The following AAMDC variants were observed in gnomAD, a reference collection of about 807,000 sequenced individuals.
The protein encoded by AAMDC is adipogenesis associated Mth938 domain containing.
A neutral mutation model predicts 15.5 loss-of-function variants in AAMDC; 16 were observed. That is an observed-to-expected ratio of 1.03 (90% CI 0.70 to 1.57). The LOEUF (loss-of-function observed/expected upper bound fraction) is 1.57. Among genes scored for constraint, AAMDC ranks in the 40% most tolerant of loss-of-function variants. The pLI, the probability that AAMDC is intolerant of heterozygous loss-of-function variation, is 0.00. For synonymous variants in AAMDC, 51 were observed against 51.6 expected (o/e 0.99, Z 0.05); for missense variants, 141 against 144.9 (o/e 0.97, Z 0.14).
At chr11:77,873,537 A>C (rs1951514462), downstream of AAMDC, among the ~76,000 whole-genome samples, 1 of 152,158 alleles carries the variant, frequency 6.6e-6, no homozygotes, top group Admixed American at 6.5e-5. Context: ...CCTATTACTA[A>C]TTTTCTTATG....
chr11:77,842,411 C>A, intron 1 of AAMDC, 68 bp from the exon 2 acceptor site: 1 of 1,414,166 alleles, frequency 7.1e-7, no homozygotes, highest in South Asian at 1.3e-5. Context: ...GGCTTAGTAT[C>A]ACTGTATTTT....
At chr11:77,861,734 C>T (rs1950886725) in intron 2 of AAMDC, among the ~76,000 whole-genome samples, 1 of 152,204 alleles carries the variant, frequency 6.6e-6, no homozygotes, top group Non-Finnish European at 1.5e-5. Context: ...CCTAGCCTTT[C>T]CGTGTTCCAG....
chr11:77,879,029 C>T (rs141434365), intron 5 of AAMDC: 2 of 1,614,146 alleles, frequency 1.2e-6, no homozygotes, highest in East Asian at 2.2e-5. Context: ...CTGGTTTCCA[C>T]CTGTGGTGAC....
intron 1 of AAMDC, among the ~76,000 whole-genome samples, chr11:77,824,060 G>A (rs1196871090): frequency 7.9e-5 from 12 of 152,202 alleles, no homozygotes; most frequent in Admixed American, 6.5e-4. Context: ...GCATCAGAAA[G>A]TTATATCCAC....
chr11:77,857,567 T>C (rs1028405953), intron 2 of AAMDC, among the ~76,000 whole-genome samples: 1 of 152,142 alleles, frequency 6.6e-6, no homozygotes, highest in Non-Finnish European at 1.5e-5. Context: ...CTCTGATTAT[T>C]TTGTTTTATT....
At position 77,891,791 on chromosome 11, in the gene AAMDC, G is replaced by C. The variant is rs767731234; in HGVS notation, c.329-8780G>C. ...ATGAGTCGGGGCATAAGGTCAAGGA[G>C]TTTGTCCACAAAGCTGTCCTGCAAG... is the stretch of plus-strand genomic sequence containing the variant. On this transcript the variant is annotated intron_variant, in intron 5 of 5. Transcript: ENST00000304716. 1.2e-6 allele frequency: 2 copies of C among 1,612,002 alleles called. No homozygotes were observed. Among genetic ancestry groups the C allele is most frequent in the Admixed American group, 3.3e-5 (2 of 60,016 alleles).
chr11:77,860,482 G>T (rs954920456), intron 2 of AAMDC, among the ~76,000 whole-genome samples: 12 of 152,230 alleles, frequency 7.9e-5, no homozygotes, highest in Non-Finnish European at 1.6e-4. Context: ...CTGAGCGTTT[G>T]GTTTGGAAAC....
chr11:77,876,402 CTTT>C (rs71272225), downstream of AAMDC, among the ~76,000 whole-genome samples: 1 of 144,994 alleles, frequency 6.9e-6, no homozygotes, highest in Non-Finnish European at 1.5e-5. Context: ...ATAAAAAGGT[CTTT>C]TTTTTTTTTT....
chr11:77,886,024 G>A (rs1951991552), intron 5 of AAMDC, among the ~76,000 whole-genome samples: 1 of 151,700 alleles, frequency 6.6e-6, no homozygotes, highest in African/African-American at 2.4e-5. Flanking sequence ...AAAAAAGTAA[G>A]ACCCCCCAAT....
chr11:77,865,041 C>T (rs1354053759), intron 2 of AAMDC, among the ~76,000 whole-genome samples: 1 of 152,090 alleles, frequency 6.6e-6, no homozygotes, highest in East Asian at 1.9e-4. Flanking sequence ...TTCTCTGGAC[C>T]CATATAGTTG....
At chr11:77,868,515 C>A (rs1461435291) in intron 2 of AAMDC, among the ~76,000 whole-genome samples, 1 of 151,732 alleles carries the variant, frequency 6.6e-6, no homozygotes, top group Non-Finnish European at 1.5e-5. Flanking sequence ...CGCGCCACCA[C>A]ACCCAGCTAA....
At chr11:77,898,222 G>C (rs1348894641) in intron 5 of AAMDC, among the ~76,000 whole-genome samples, 1 of 152,154 alleles carries the variant, frequency 6.6e-6, no homozygotes, top group Non-Finnish European at 1.5e-5. Flanking sequence ...GGAGTGCAGT[G>C]GTGCGATCTC....
At chr11:77,832,949 ATATGTGTG>A (rs1233798796) in intron 1 of AAMDC, among the ~76,000 whole-genome samples, 9,492 of 95,800 alleles carry the variant, frequency 0.099, 897 homozygotes, top group Middle Eastern at 0.13. Flanking sequence ...TTGTATATAT[ATATGTGTG>A]TGTGTGTGTG....
chr11:77,824,512 A>T (rs1949078696), intron 1 of AAMDC, among the ~76,000 whole-genome samples: 1 of 152,248 alleles, frequency 6.6e-6, no homozygotes, highest in South Asian at 2.1e-4. Flanking sequence ...ATATTCATCA[A>T]CAGAAAAATA....
intron 5 of AAMDC, chr11:77,883,872 C>T (rs888060765): frequency 6.2e-7 from 1 of 1,612,454 alleles, no homozygotes; most frequent in Admixed American, 1.7e-5. Flanking sequence ...GAGTGATGAG[C>T]CGGTGCCGCC....
In AAMDC at chr11:77,870,075, A is replaced by G. The variant is rs1471488534; in HGVS notation, c.228+258A>G. On this transcript the variant is annotated intron_variant, in intron 3 of 3. Transcript: ENST00000393427. The stretch of plus-strand genomic sequence containing the variant: ...TACAAGGATCACTATTTGGTCCTTT[A>G]TATTTTAATAATACTTTATATCCTC... The G allele has an allele frequency of 1.3e-5, 3 of 231,608 alleles. No homozygotes were observed. In the Admixed American group the frequency reaches 1.6e-4, roughly 13 times the overall value. 14.3% of individuals were successfully genotyped at this position (231,608 alleles called of 1,614,324 possible). A position where few individuals can be genotyped will look rare whatever the true frequency, so the allele number is the denominator to read the frequency against.
intron 5 of AAMDC, chr11:77,878,615 C>T: frequency 1.7e-6 from 1 of 587,136 alleles, no homozygotes; most frequent in East Asian, 2.8e-5. Context: ...CAGGAGGTAA[C>T]TGGATCTTTG....
chr11:77,852,757 A>AT (rs531052993), intron 2 of AAMDC, among the ~76,000 whole-genome samples: 2,082 of 151,936 alleles, frequency 0.014, 22 homozygotes, highest in Non-Finnish European at 0.021. Flanking sequence ...TATATAAATA[A>AT]TTTTTTTTCT....
At chr11:77,885,296 C>T (rs976438322) in intron 5 of AAMDC, among the ~76,000 whole-genome samples, 1 of 151,888 alleles carries the variant, frequency 6.6e-6, no homozygotes, top group African/African-American at 2.4e-5. Context: ...AGGTTGGTCT[C>T]GAACTCCTGA....
Sources: allele counts gnomAD v4.1 joint callset (sites outside exome capture counted in the v4.1 genomes callset), GRCh38; gene constraint gnomAD v4.1.1; transcripts MANE v1.5; gene names NCBI Gene and HGNC (gene_info 2026-07-23, HGNC 2026-07-21).